LHFPL6: variants seen among roughly 807,000 people sequenced by gnomAD.
LHFPL6 encodes the protein LHFPL tetraspan subfamily member 6.
LHFPL6 carries 9 observed loss-of-function variants against 20.6 expected under a neutral mutation model. That is an observed-to-expected ratio of 0.44 (90% CI 0.26 to 0.76). The LOEUF is 0.76. Among genes scored for constraint, LHFPL6 ranks in the 30% least tolerant of loss-of-function variants. The pLI is 0.20. For missense variants in LHFPL6, 218 were observed against 253.5 expected (o/e 0.86, Z 0.95); for synonymous variants, 105 against 98.7 (o/e 1.06, Z -0.38).
At chr13:39,510,871 A>G (rs1045636400) in intron 2 of LHFPL6, among the ~76,000 whole-genome samples, 8 of 107,258 alleles carry the variant, frequency 7.5e-5, no homozygotes, top group African/African-American at 2.3e-4. Flanking sequence ...CATTACTTTA[A>G]ATTTTTTTTT....
intron 2 of LHFPL6, among the ~76,000 whole-genome samples, chr13:39,437,754 T>A (rs1872001990): frequency 6.6e-6 from 1 of 151,900 alleles, no homozygotes; most frequent in East Asian, 1.9e-4. Flanking sequence ...TACAAAAAAT[T>A]AGCTGGGCGT....
intron 2 of LHFPL6, among the ~76,000 whole-genome samples, chr13:39,492,746 C>A (rs1868969043): frequency 6.6e-6 from 1 of 152,050 alleles, no homozygotes; most frequent in Non-Finnish European, 1.5e-5. Flanking sequence ...CTCACTGCAA[C>A]CTCCGCTTAC....
intron 2 of LHFPL6, among the ~76,000 whole-genome samples, chr13:39,417,006 T>G (rs1403484360): frequency 6.6e-6 from 1 of 152,226 alleles, no homozygotes; most frequent in African/African-American, 2.4e-5. Context: ...TCTTCTAGCC[T>G]GCCGATACAT....
At chr13:39,554,661 C>A (rs1871246565) in intron 2 of LHFPL6, among the ~76,000 whole-genome samples, 2 of 152,156 alleles carry the variant, frequency 1.3e-5, no homozygotes, top group Non-Finnish European at 2.9e-5. Context: ...TCCTCCCCAC[C>A]CACTGAACTT....
chr13:39,488,484 C>A (rs557908825), intron 2 of LHFPL6, among the ~76,000 whole-genome samples: 7 of 152,204 alleles, frequency 4.6e-5, no homozygotes, highest in Non-Finnish European at 7.4e-5. Flanking sequence ...CCATTCCTGT[C>A]CTTTACAAGG....
intron 2 of LHFPL6, among the ~76,000 whole-genome samples, chr13:39,479,585 A>G (rs1278643841): frequency 2.0e-5 from 3 of 152,204 alleles, no homozygotes; most frequent in Non-Finnish European, 4.4e-5. Context: ...AATCATAGCT[A>G]AATTGATACT....
At chr13:39,562,445 T>C (rs1192200721) in intron 2 of LHFPL6, among the ~76,000 whole-genome samples, 1 of 86,108 alleles carries the variant, frequency 1.2e-5, no homozygotes, top group South Asian at 3.4e-4. Context: ...TATACATATA[T>C]ACACATATAT....
intron 2 of LHFPL6, among the ~76,000 whole-genome samples, chr13:39,595,460 T>C (rs1872743580): frequency 2.0e-5 from 3 of 152,136 alleles, no homozygotes; most frequent in Admixed American, 6.5e-5. Flanking sequence ...ATCTGACTAA[T>C]TTTCGTATTT....
At chr13:39,351,558 C>A (rs1869568935) in intron 3 of LHFPL6, among the ~76,000 whole-genome samples, 1 of 152,180 alleles carries the variant, frequency 6.6e-6, no homozygotes, top group Non-Finnish European at 1.5e-5. Context: ...TTACCTTACC[C>A]CTTCAATTTG....
At chr13:39,489,315 G>A (rs958372411) in intron 2 of LHFPL6, among the ~76,000 whole-genome samples, 1 of 152,066 alleles carries the variant, frequency 6.6e-6, no homozygotes, top group Non-Finnish European at 1.5e-5. Flanking sequence ...GCTGGAGCAC[G>A]AACCTGGAAG....
At chr13:39,586,662 C>T (rs1872457625) in intron 2 of LHFPL6, among the ~76,000 whole-genome samples, 1 of 152,194 alleles carries the variant, frequency 6.6e-6, no homozygotes, top group Non-Finnish European at 1.5e-5. Context: ...TCAGAAAATT[C>T]TTCAAAATCC....
At chr13:39,520,018 T>A (rs922886316) in intron 2 of LHFPL6, among the ~76,000 whole-genome samples, 2 of 152,126 alleles carry the variant, frequency 1.3e-5, no homozygotes, top group African/African-American at 2.4e-5. Flanking sequence ...ATTAGTGATG[T>A]CAGTAGGAAG....
chr13:39,353,765 A>C (rs1377841004), intron 3 of LHFPL6, among the ~76,000 whole-genome samples: 1 of 152,164 alleles, frequency 6.6e-6, no homozygotes, highest in Non-Finnish European at 1.5e-5. Context: ...TGCTTATTAC[A>C]AAAAGTATAA....
At chr13:39,513,893 A>G (rs1869811439) in intron 2 of LHFPL6, among the ~76,000 whole-genome samples, 1 of 152,202 alleles carries the variant, frequency 6.6e-6, no homozygotes, top group Non-Finnish European at 1.5e-5. Flanking sequence ...TATGAGATAA[A>G]TAATACACAC....
At chr13:39,400,715 G>A (rs1340620779) in intron 2 of LHFPL6, among the ~76,000 whole-genome samples, 3 of 135,830 alleles carry the variant, frequency 2.2e-5, no homozygotes, top group East Asian at 2.3e-4. Context: ...CCCGGGAGGC[G>A]GAGCTTGCAG....
At chr13:39,349,468 A>G (rs1869501948) in intron 3 of LHFPL6, among the ~76,000 whole-genome samples, 1 of 151,982 alleles carries the variant, frequency 6.6e-6, no homozygotes, top group South Asian at 2.1e-4. Context: ...CCCTCTCTCA[A>G]TTTATTCATT....
chr13:39,385,021 C>A (rs1322513170), intron 2 of LHFPL6, among the ~76,000 whole-genome samples: 17 of 152,198 alleles, frequency 1.1e-4, no homozygotes, highest in Admixed American at 1.0e-3. Flanking sequence ...AATTAAGAAG[C>A]AATCTATTTC....
chr13:39,567,326 T>G (rs1380758614), intron 2 of LHFPL6, among the ~76,000 whole-genome samples: 1 of 152,230 alleles, frequency 6.6e-6, no homozygotes, highest in Non-Finnish European at 1.5e-5. Context: ...AGCCAATACA[T>G]TACCAAAATT....
At chr13:39,514,934 T>A (rs1869853194) in intron 2 of LHFPL6, among the ~76,000 whole-genome samples, 1 of 152,218 alleles carries the variant, frequency 6.6e-6, no homozygotes, top group Admixed American at 6.5e-5. Context: ...GCTCCAAGAA[T>A]GTGTAAGATG....
Sources: gnomAD v4.1 joint callset for allele counts (sites outside exome capture counted in the v4.1 genomes callset) on GRCh38, gnomAD v4.1.1 for gene constraint, MANE v1.5 for transcripts, NCBI Gene and HGNC (gene_info 2026-07-23, HGNC 2026-07-21) for gene names.